The following MTSS1 variants were observed in gnomAD, a reference collection of about 807,000 sequenced individuals.
MTSS1 encodes the protein MTSS I-BAR domain containing 1.
MTSS1 carries 18 observed loss-of-function variants against 79.0 expected under a neutral mutation model. The ratio of observed to expected loss-of-function variants is 0.23; its 90% confidence interval spans 0.16 to 0.34. MTSS1 has a LOEUF of 0.34. MTSS1 is among the 10% of genes least tolerant of loss of function. MTSS1 has a pLI of 1.00. For synonymous variants in MTSS1, 341 were observed against 368.6 expected, an observed-to-expected ratio of 0.93 and a Z score of 0.86; for missense variants, 815 against 986.2, an observed-to-expected ratio of 0.83 and a Z score of 2.33.
chr8:124,588,131 G>A (rs969914364), intron 5 of MTSS1, among the ~76,000 whole-genome samples: 5 of 152,128 alleles, frequency 3.3e-5, no homozygotes, highest in East Asian at 1.9e-4. Flanking sequence ...TGAATGAACC[G>A]GCAACTTTCT....
chr8:124,650,733 C>T (rs1178755974), intron 3 of MTSS1, among the ~76,000 whole-genome samples: 1 of 152,160 alleles, frequency 6.6e-6, no homozygotes, highest in African/African-American at 2.4e-5. Context: ...GAAACTGAAG[C>T]TGAGAATGAT....
At chr8:124,644,418 C>A (rs1818637028) in intron 3 of MTSS1, among the ~76,000 whole-genome samples, 2 of 152,212 alleles carry the variant, frequency 1.3e-5, no homozygotes, top group Admixed American at 1.3e-4. Context: ...TTCTTCACAC[C>A]AAGCTCATTC....
At chr8:124,678,902 A>T (rs1226700532) in intron 3 of MTSS1, among the ~76,000 whole-genome samples, 1 of 152,272 alleles carries the variant, frequency 6.6e-6, no homozygotes, top group Non-Finnish European at 1.5e-5. Context: ...AGGCATGCCT[A>T]ACATGCTCCT....
At chr8:124,702,831 C>T (rs1829890378) in intron 2 of MTSS1, among the ~76,000 whole-genome samples, 1 of 152,178 alleles carries the variant, frequency 6.6e-6, no homozygotes. Context: ...TTAAAATGTC[C>T]TATCCTTCAT....
intron 3 of MTSS1, among the ~76,000 whole-genome samples, chr8:124,660,572 A>C (rs1457010641): frequency 6.6e-6 from 1 of 152,004 alleles, no homozygotes; most frequent in Non-Finnish European, 1.5e-5. Context: ...ACAGAAGAGG[A>C]AGTTCCTTGT....
chr8:124,556,298 G>A lies in MTSS1; in HGVS notation c.1338C>T (p.Ser446=), dbSNP rs566830744. 6.1e-5 allele frequency: 99 copies of A among 1,614,208 alleles called. No individual in the cohort carries two copies. The highest frequency in any genetic ancestry group is 3.6e-4 in the South Asian group (33 of 91,070). The change falls in exon 12 of 14, where the codon AGC becomes AGT. Residue 446 remains serine, a synonymous_variant. Coordinates refer to ENST00000518547, the MANE Select transcript of MTSS1 (RefSeq NM_014751.6). The stretch of plus-strand genomic sequence containing the variant: ...CCTCCTCAGCTGCTGCAGGTGGGCC[G>A]CTGGCGGTAGTGGGTCCTCCCCCGT... The part of the protein sequence containing the change: ...DPNGGGPTTA[S]GPPAAAEEAQ...
chr8:124,599,462 G>A (rs1364478808), intron 3 of MTSS1, among the ~76,000 whole-genome samples: 2 of 138,296 alleles, frequency 1.4e-5, no homozygotes, highest in Non-Finnish European at 3.1e-5. Context: ...CAGCCTGGGG[G>A]ACAGAATGAG....
intron 1 of MTSS1, among the ~76,000 whole-genome samples, chr8:124,716,930 C>T (rs1014181804): frequency 1.0e-4 from 15 of 150,184 alleles, no homozygotes; most frequent in South Asian, 2.1e-4. Context: ...AAAAGTCCTT[C>T]GGGGGAAATC....
chr8:124,648,091 TG>T (rs2134116570), intron 3 of MTSS1, among the ~76,000 whole-genome samples: 1 of 152,308 alleles, frequency 6.6e-6, no homozygotes, highest in African/African-American at 2.4e-5. Context: ...TCTTTATTAA[TG>T]TCTGAAATCA....
intron 13 of MTSS1, among the ~76,000 whole-genome samples, chr8:124,555,331 T>C (rs12543499): frequency 0.16 from 24,535 of 152,038 alleles, 2,474 homozygotes; most frequent in Admixed American, 0.25. Flanking sequence ...CTGCAAGCTC[T>C]GCCTCCTGGG....
At chr8:124,603,373 C>G (rs1318787328) in intron 3 of MTSS1, among the ~76,000 whole-genome samples, 2 of 152,244 alleles carry the variant, frequency 1.3e-5, no homozygotes, top group Non-Finnish European at 2.9e-5. Flanking sequence ...CTGATGCACG[C>G]AGGACTTCCA....
Position 124,553,599 on chromosome 8 carries a change from A to T in MTSS1, c.1661T>A (p.Ile554Asn). Residue 554 changes from isoleucine (I) to asparagine (N), a missense_variant, in exon 14 of 14, where the codon ATC (isoleucine) becomes AAC (asparagine). Around this residue, in one of 2 missense-constraint regions of MTSS1, gnomAD observed 590 missense variants for 620.8 expected, o/e 0.95. Transcript: ENST00000518547. This position sits in a 1 kb window ranked among gnomAD's most constrained non-coding sequence, Gnocchi z 6.0. ...GAACATCCGTCGGTAGGACTGGCTG[A>T]TGTCGCTGTTTCTTGGAATGGTGGA... ...KSSTIPRNSDISQSYRRMFQA... is the reference protein window; with the variant it reads ...KSSTIPRNSDNSQSYRRMFQA... The T allele has an allele frequency of 6.2e-7, 1 of 1,614,168 alleles. No individual in the cohort carries two copies. The highest frequency in any genetic ancestry group is 8.5e-7 in the Non-Finnish European group (1 of 1,180,034).
intron 6 of MTSS1, chr8:124,568,777 G>A: frequency 1.4e-6 from 2 of 1,453,380 alleles, no homozygotes; most frequent in Non-Finnish European, 1.8e-6. Context: ...AATGTCCTGG[G>A]GCAACTCTTC....
At chr8:124,645,364 C>A (rs1818819127) in intron 3 of MTSS1, among the ~76,000 whole-genome samples, 1 of 152,120 alleles carries the variant, frequency 6.6e-6, no homozygotes, top group African/African-American at 2.4e-5. Flanking sequence ...CCAGCCTGGG[C>A]AACAGAGCAA....
rs1481086452 is a variant in MTSS1 at position 124,628,322 on chromosome 8, C to A, written c.209-37087G>T. ...CATCAGCCGCGTCAGTCTTATCATC[C>A]GACTCCCAGATCATACTCCCCAGGA... is the stretch of plus-strand genomic sequence containing the variant. On this transcript the variant is annotated intron_variant, in intron 3 of 13. Transcript: ENST00000518547. Among the ~76,000 whole-genome samples, 4 of 152,164 alleles carry A rather than the reference C, an allele frequency of 2.6e-5. No individual in the cohort carries two copies. In the East Asian group the frequency reaches 7.7e-4, roughly 29 times the overall value.
At chr8:124,561,861 G>A (rs143595938) in intron 10 of MTSS1, among the ~76,000 whole-genome samples, 3 of 152,186 alleles carry the variant, frequency 2.0e-5, no homozygotes, top group Non-Finnish European at 2.9e-5. Flanking sequence ...AACTATAGCC[G>A]TGGCTCTTGG....
chr8:124,555,134 C>G (rs1823319328), intron 13 of MTSS1, among the ~76,000 whole-genome samples: 1 of 152,268 alleles, frequency 6.6e-6, no homozygotes, highest in Admixed American at 6.5e-5. Flanking sequence ...GCGTAAGCCA[C>G]TGCCCTGGCC....
chr8:124,566,370 C>G (rs1385470341), intron 8 of MTSS1, among the ~76,000 whole-genome samples: 1 of 152,140 alleles, frequency 6.6e-6, no homozygotes, highest in Non-Finnish European at 1.5e-5. Flanking sequence ...CATGCATGCT[C>G]TGGTCTAATA....
At chr8:124,726,784 C>G (rs1004997507) in intron 1 of MTSS1, among the ~76,000 whole-genome samples, 3 of 152,226 alleles carry the variant, frequency 2.0e-5, no homozygotes, top group African/African-American at 7.2e-5. Context: ...AACCTGCCCA[C>G]TCGTTTTGGA....
Sources: allele counts gnomAD v4.1 joint callset (sites outside exome capture counted in the v4.1 genomes callset), GRCh38; gene constraint gnomAD v4.1.1; regional missense constraint gnomAD v4.1.1; non-coding constraint Gnocchi (gnomAD v3.1); transcripts MANE v1.5; gene names NCBI Gene and HGNC (gene_info 2026-07-23, HGNC 2026-07-21).